NFASC: variants seen among roughly 807,000 people sequenced by gnomAD.
The protein encoded by NFASC is neurofascin, also known as neurofascin homolog.
In NFASC, 43 loss-of-function variants were observed where a neutral mutation model predicts 147.5. The observed-to-expected ratio is 0.29, with a 90% CI of 0.23 to 0.38. NFASC has a LOEUF of 0.38. NFASC is among the 10% of genes least tolerant of loss of function. NFASC has a pLI of 1.00. For synonymous variants in NFASC, 622 were observed against 665.5 expected (o/e 0.93, Z 1.01); for missense variants, 1,320 against 1,689.0 (o/e 0.78, Z 3.83).
intron 1 of NFASC, among the ~76,000 whole-genome samples, chr1:204,873,677 C>G (rs1309964075): frequency 1.6e-5 from 2 of 121,416 alleles, no homozygotes; most frequent in African/African-American, 2.8e-5. Context: ...TGGGGGCCTT[C>G]CATTCTGAGG....
rs1006222837 is a variant in NFASC, at chr1:205,022,405, C to A, written c.*5866C>A. 6.6e-6 allele frequency: 1 copy of A among 152,346 alleles called. No homozygotes were observed. The highest frequency in any genetic ancestry group is 2.4e-5 in the African/African-American group (1 of 41,374). The allele number at this position is 152,346 out of a possible 1,614,324, so 9.4% of individuals were successfully genotyped here. On this transcript the variant is annotated 3_prime_UTR_variant, in exon 30 of 30. Coordinates refer to ENST00000339876, the MANE Select transcript of NFASC (RefSeq NM_001005388.3). Reference sequence around the variant, plus strand: ...CCCGCCCCCACCACACACCCATATCCCCCACCATTCCAATTTGTTCTTTCC... The same window carrying A: ...CCCGCCCCCACCACACACCCATATCACCCACCATTCCAATTTGTTCTTTCC...
chr1:204,957,819 C>T lies in NFASC; in HGVS notation c.699C>T (p.Val233=), dbSNP rs1367974043. ...AGAAGAACCCTTTCACCCTCAAGGT[C>T]CTCACCAGTAAGTGAAGGCCCCTGT... ...IQQKNPFTLK[V]LTTRGVAERT... Residue 233 remains valine (V), a synonymous_variant, in exon 8 of 30, where the codon GTC becomes GTT. Transcript: ENST00000339876. 1.9e-6 allele frequency: 3 copies of T among 1,614,052 alleles called. No homozygotes were observed. Among genetic ancestry groups the T allele is most frequent in the Middle Eastern group, 3.3e-4 (2 of 6,084 alleles).
rs1174777420 is a variant in NFASC at position 204,954,032 on chromosome 1, T to C, written c.216-156T>C. ...TATTGAGCTCTCCAGATGGTTCTTCTGCTCAGCCAGGCTGAGACCTGTTGG... is the reference window on the plus strand; with the variant it reads ...TATTGAGCTCTCCAGATGGTTCTTCCGCTCAGCCAGGCTGAGACCTGTTGG... On this transcript the variant is annotated intron_variant, in intron 5 of 29. Coordinates refer to ENST00000339876, the MANE Select transcript of NFASC (RefSeq NM_001005388.3). This position sits in a 1 kb window ranked among gnomAD's most constrained non-coding sequence, Gnocchi z 5.7. Among the ~76,000 whole-genome samples, 1 of 152,104 alleles carries C rather than the reference T, an allele frequency of 6.6e-6. No individual in the cohort carries two copies. The highest frequency in any genetic ancestry group is 2.4e-5 in the African/African-American group (1 of 41,428).
chr1:204,879,315 C>T (rs570319128), intron 1 of NFASC, among the ~76,000 whole-genome samples: 79 of 146,094 alleles, frequency 5.4e-4, no homozygotes, highest in Middle Eastern at 7.0e-3. Context: ...GAAATGTGTA[C>T]GTTGTGTCTC....
chr1:204,906,172 A>T (rs1354887829), intron 1 of NFASC, among the ~76,000 whole-genome samples: 1 of 152,100 alleles, frequency 6.6e-6, no homozygotes. Flanking sequence ...TTAACTTCTC[A>T]TATATCTTAA....
intron 3 of NFASC, chr1:204,946,997 C>T (rs1372605520): frequency 1.7e-5 from 6 of 356,392 alleles, no homozygotes; most frequent in African/African-American, 1.3e-4. Context: ...GCACCTGTCT[C>T]ATAAGGTTGA....
rs531456254 is a variant in NFASC, at chr1:204,897,751, G to C, written c.-199-22881G>C. 1.6e-4 allele frequency among the ~76,000 whole-genome samples: 23 copies of C among 143,532 alleles called. 1 individual carries two copies. Among genetic ancestry groups the C allele is most frequent in the African/African-American group, 4.7e-4 (18 of 38,648 alleles). The allele number at this position is 143,532 out of a possible 152,430, so 94.2% of individuals were successfully genotyped here. On this transcript the variant is annotated intron_variant, in intron 1 of 29. Transcript: ENST00000339876. ...ACCATGCTCAGCTAATTTTTTTTTG[G>C]GGGGGGCAGAGTCTTGCTCTGTCAC...
chr1:204,919,803 G>A (rs1402683440), intron 1 of NFASC, among the ~76,000 whole-genome samples: 2 of 152,060 alleles, frequency 1.3e-5, no homozygotes, highest in Non-Finnish European at 2.9e-5. Flanking sequence ...ATTTTTAGTA[G>A]ACACAGGGTT....
At position 204,831,386 on chromosome 1, in the gene NFASC, C is replaced by T. The variant is rs889561778; in HGVS notation, c.-200+2604C>T. ...CAAGGGCTGGTTCTTTTAAGGCACA[C>T]ATTGAAGAGGTGGCTGAGAGCTGGG... On this transcript the variant is annotated intron_variant, in intron 1 of 29. Transcript: ENST00000339876. Among the ~76,000 whole-genome samples the T allele has an allele frequency of 2.7e-5, 4 of 148,304 alleles. No homozygotes were observed. The Admixed American group carries it at 2.7e-4, about 10-fold the overall frequency.
chr1:204,892,479 T>C (rs142431304), intron 1 of NFASC, among the ~76,000 whole-genome samples: 7 of 152,368 alleles, frequency 4.6e-5, no homozygotes, highest in Non-Finnish European at 8.8e-5. Context: ...CCAGTACAGC[T>C]GGATGATCTC....
intron 27 of NFASC, 124 bp from the exon 28 acceptor site, chr1:205,009,433 G>T (rs773286685): frequency 9.7e-7 from 1 of 1,031,406 alleles, no homozygotes; most frequent in Non-Finnish European, 1.5e-6. Flanking sequence ...GGGCTGCTAG[G>T]TGGTAGTGTT....
Position 204,954,316 on chromosome 1 carries a change from A to C in NFASC, c.344A>C (p.Glu115Ala). ...GGGCGGCCGGAGGAATATGAGGGGG[A>C]ATATCAGTGCTTCGCCCGCAACAAA... ...SGGRPEEYEG[E>A]YQCFARNKFG... The change falls in exon 6 of 30, where the codon GAA becomes GCA. Residue 115 changes from glutamate to alanine, a missense_variant. Glu to Ala is a moderately radical substitution (Grantham distance 107). Transcript: ENST00000339876. This position sits in a 1 kb window ranked among gnomAD's most constrained non-coding sequence, Gnocchi z 5.7. 6 of 1,613,896 alleles carry C rather than the reference A, an allele frequency of 3.7e-6. No individual in the cohort carries two copies. The highest frequency in any genetic ancestry group is 5.1e-6 in the Non-Finnish European group (6 of 1,179,980).
intron 27 of NFASC, among the ~76,000 whole-genome samples, chr1:205,004,722 G>C (rs1056273413): frequency 6.6e-6 from 1 of 152,160 alleles, no homozygotes; most frequent in African/African-American, 2.4e-5. Context: ...GCAAGAACTC[G>C]TGAGCATCTC....
chr1:204,881,665 G>A (rs2080267284), intron 1 of NFASC, among the ~76,000 whole-genome samples: 1 of 152,168 alleles, frequency 6.6e-6, no homozygotes, highest in African/African-American at 2.4e-5. Flanking sequence ...ACACGGGATA[G>A]TAGACAAAAG....
intron 28 of NFASC, 188 bp downstream of exon 28, chr1:205,009,876 G>A (rs1044836797): frequency 1.1e-5 from 7 of 662,782 alleles, no homozygotes; most frequent in East Asian, 5.5e-5. Context: ...AATTAAGTTC[G>A]CCTGAGTTGG....
Position 205,002,975 on chromosome 1 carries a change from C to T in NFASC, c.3289+227C>T, listed in dbSNP as rs61817616. Among the ~76,000 whole-genome samples the T allele has an allele frequency of 7.9e-5, 12 of 152,282 alleles. No homozygotes were observed. In the East Asian group the frequency reaches 1.9e-3, roughly 24 times the overall value. ...GGAGAGGAAACAGTGATTGTGGCCC[C>T]GTGCGGGTCAGAAGGAAACAAAGGA... On this transcript the variant is annotated intron_variant, in intron 27 of 29. Coordinates refer to ENST00000339876, the MANE Select transcript of NFASC (RefSeq NM_001005388.3).
chr1:204,885,582 G>A (rs2081172124), intron 1 of NFASC, among the ~76,000 whole-genome samples: 1 of 152,212 alleles, frequency 6.6e-6, no homozygotes, highest in South Asian at 2.1e-4. Flanking sequence ...ATTCAAAAGA[G>A]TCTTTTGTTT....
At position 204,954,083 on chromosome 1, in the gene NFASC, A is replaced by C; in HGVS notation, c.216-105A>C. 1 of 989,824 alleles carries C rather than the reference A, an allele frequency of 1.0e-6. No individual in the cohort carries two copies. Among genetic ancestry groups the C allele is most frequent in the Non-Finnish European group, 1.6e-6 (1 of 640,074 alleles). 61.3% of individuals were successfully genotyped at this position (989,824 alleles called of 1,614,324 possible). A position where few individuals can be genotyped will look rare whatever the true frequency, so the allele number is the denominator to read the frequency against. On this transcript the variant is annotated intron_variant, in intron 5 of 29. Transcript: ENST00000339876. The surrounding 1 kb of genome is among the most constrained non-coding windows in gnomAD (Gnocchi z 5.7). ...TATGGGGTGCCACGATGGGACTGAG[A>C]GAGGGAATTTTGGTACTGAGCCAGG...
intron 1 of NFASC, among the ~76,000 whole-genome samples, chr1:204,850,620 T>C (rs938817480): frequency 2.6e-5 from 4 of 152,210 alleles, no homozygotes; most frequent in Non-Finnish European, 2.9e-5. Flanking sequence ...GGTTTAAAAG[T>C]GTATGGCACT....
Sources: allele counts gnomAD v4.1 joint callset (sites outside exome capture counted in the v4.1 genomes callset), GRCh38; gene constraint gnomAD v4.1.1; non-coding constraint Gnocchi (gnomAD v3.1); transcripts MANE v1.5; gene names NCBI Gene and HGNC (gene_info 2026-07-23, HGNC 2026-07-21).